The following UGT1A7 variants were observed in gnomAD, a reference collection of about 807,000 sequenced individuals.
UGT1A7 encodes the protein UDP-glucuronosyltransferase 1A7.
Under a neutral mutation model 45.6 loss-of-function variants are expected in UGT1A7, and 33 were observed. The ratio of observed to expected loss-of-function variants is 0.72; its 90% CI spans 0.55 to 0.97. The LOEUF is 0.97. Ranked by LOEUF, UGT1A7 falls within the 50% of genes least tolerant of loss-of-function variation. The pLI is 0.00. For synonymous variants in UGT1A7, 274 were observed against 250.6 expected (o/e 1.09, Z -0.88); for missense variants, 684 against 666.2 (o/e 1.03, Z -0.29).
chr2:233,687,722 G>C (rs10203266), intron 1 of UGT1A7, among the ~76,000 whole-genome samples: 58,987 of 151,680 alleles, frequency 0.39, 11,651 homozygotes, highest in South Asian at 0.45. Flanking sequence ...GGACAACATA[G>C]GGAGACACTG....
chr2:233,751,877 G>T (rs567472475), intron 1 of UGT1A7, among the ~76,000 whole-genome samples: 1 of 152,132 alleles, frequency 6.6e-6, no homozygotes, highest in Admixed American at 6.5e-5. Flanking sequence ...ACCCCGTCTT[G>T]GGTATGTCTT....
Position 233,767,830 on chromosome 2 carries a change from C to A in UGT1A7, c.988-19C>A. 6.2e-7 allele frequency: 1 copy of A among 1,614,170 alleles called. No homozygotes were observed. The highest frequency in any genetic ancestry group is 8.5e-7 in the Non-Finnish European group (1 of 1,180,024). Reference sequence around the variant, plus strand: ...TATTATGTTCTTTCTTTACGTTCTGCTCTTTTTGCCCCTCCCAGGTCCTGT... The same window carrying A: ...TATTATGTTCTTTCTTTACGTTCTGATCTTTTTGCCCCTCCCAGGTCCTGT... On this transcript the variant is annotated intron_variant, in intron 2 of 4. Coordinates refer to ENST00000373426, the MANE Select transcript of UGT1A7 (RefSeq NM_019077.3).
intron 1 of UGT1A7, chr2:233,718,953 C>A (rs369434904): frequency 1.2e-6 from 2 of 1,614,166 alleles, no homozygotes; most frequent in East Asian, 4.5e-5. Flanking sequence ...GCTCAGCATG[C>A]GGGAGGCCTT....
rs1157843682 is a variant in UGT1A7, at chr2:233,682,124, A to G, written c.187A>G (p.Ser63Gly). Residue 63 changes from serine (S) to glycine (G), a missense_variant, in exon 1 of 5, where the codon AGT (serine) becomes GGT (glycine). Coordinates refer to ENST00000373426, the MANE Select transcript of UGT1A7 (RefSeq NM_019077.3). ...HEVVVVMPEV[S>G]WQLGRSLNCT... is the part of the protein sequence containing the mutation. The stretch of plus-strand genomic sequence containing the variant: ...GGTGGTCGTAGTCATGCCAGAGGTG[A>G]GTTGGCAACTGGGAAGATCACTGAA... The G allele has an allele frequency of 1.2e-6, 2 of 1,614,078 alleles. No individual in the cohort carries two copies. The highest frequency in any genetic ancestry group is 1.3e-5 in the African/African-American group (1 of 74,946).
chr2:233,728,607 C>T (rs868048236), intron 1 of UGT1A7, among the ~76,000 whole-genome samples: 2 of 152,210 alleles, frequency 1.3e-5, no homozygotes, highest in Admixed American at 6.5e-5. Flanking sequence ...CCAGCCTCCA[C>T]GCTGTTCAGA....
chr2:233,717,541 C>G (rs1044536522), intron 1 of UGT1A7, among the ~76,000 whole-genome samples: 14 of 152,370 alleles, frequency 9.2e-5, no homozygotes, highest in Non-Finnish European at 1.5e-4. Flanking sequence ...GAAGCCTCAG[C>G]CTCACCAGCA....
intron 1 of UGT1A7, chr2:233,761,159 T>C: frequency 6.2e-7 from 1 of 1,614,228 alleles, no homozygotes; most frequent in Non-Finnish European, 8.5e-7. Flanking sequence ...CAGGTGTGTA[T>C]TGGAGTGGGA....
chr2:233,751,060 C>T (rs1694630836), intron 1 of UGT1A7, among the ~76,000 whole-genome samples: 1 of 151,896 alleles, frequency 6.6e-6, no homozygotes, highest in South Asian at 2.1e-4. Flanking sequence ...GACACAGACA[C>T]TCAATGCCAG....
intron 1 of UGT1A7, among the ~76,000 whole-genome samples, chr2:233,720,042 G>A (rs1048137470): frequency 2.6e-5 from 4 of 152,186 alleles, no homozygotes; most frequent in Non-Finnish European, 5.9e-5. Flanking sequence ...CTGATTTTCA[G>A]CTGAACGGTG....
chr2:233,751,650 C>G (rs1180947781), intron 1 of UGT1A7, among the ~76,000 whole-genome samples: 1 of 152,190 alleles, frequency 6.6e-6, no homozygotes, highest in African/African-American at 2.4e-5. Context: ...TTGCTGTTCT[C>G]ATCCTACTGA....
In UGT1A7 at chr2:233,736,783, G is replaced by T. The variant is rs545223479; in HGVS notation, c.856-30251G>T. ...CTTCTAACAGTCAGATCCCTCAGCTGCAGGTCTGTTGGAGTTTGCTGGAGG... is the reference window on the plus strand; with the variant it reads ...CTTCTAACAGTCAGATCCCTCAGCTTCAGGTCTGTTGGAGTTTGCTGGAGG... On this transcript the variant is annotated intron_variant, in intron 1 of 4. Transcript: ENST00000373426. Among the ~76,000 whole-genome samples, 9 of 152,312 alleles carry T rather than the reference G, an allele frequency of 5.9e-5. No homozygotes were observed. The South Asian group carries it at 1.9e-3, about 32-fold the overall frequency.
At position 233,747,709 on chromosome 2, in the gene UGT1A7, C is replaced by G. The variant is rs1194057066; in HGVS notation, c.856-19325C>G. On this transcript the variant is annotated intron_variant, in intron 1 of 4. Transcript: ENST00000373426. ...GGGGCAGTGCTGGCTAAGTACCTAT[C>G]AATTCCTGCTGTGTTTTTTTTGAGG... 13 of 1,612,750 alleles carry G rather than the reference C, an allele frequency of 8.1e-6. No individual in the cohort carries two copies. The African/African-American group carries it at 1.5e-4, about 18-fold the overall frequency.
At chr2:233,691,294 G>A in intron 1 of UGT1A7, 1 of 985,516 alleles carries the variant, frequency 1.0e-6, no homozygotes. Flanking sequence ...ATTGTAAGCT[G>A]CCAATCCTCT....
intron 1 of UGT1A7, chr2:233,756,153 G>A (rs1213505703): frequency 6.6e-6 from 1 of 152,140 alleles, no homozygotes; most frequent in Non-Finnish European, 1.5e-5. Flanking sequence ...GGGATCCCTA[G>A]GATTTCCTGG....
intron 1 of UGT1A7, among the ~76,000 whole-genome samples, chr2:233,741,290 C>T (rs1691616711): frequency 6.6e-6 from 1 of 151,724 alleles, no homozygotes. Context: ...ATTTATGTAC[C>T]CAATTGTGTA....
chr2:233,695,461 T>C (rs558801774), intron 1 of UGT1A7, among the ~76,000 whole-genome samples: 16 of 152,020 alleles, frequency 1.1e-4, no homozygotes, highest in African/African-American at 3.4e-4. Flanking sequence ...ACGTGCTTTA[T>C]TGGCCCTTTA....
chr2:233,710,441 T>G (rs568926544), intron 1 of UGT1A7, among the ~76,000 whole-genome samples: 1 of 152,258 alleles, frequency 6.6e-6, no homozygotes, highest in Non-Finnish European at 1.5e-5. Context: ...TTTTAGTCTT[T>G]TACATTTTAG....
At position 233,755,143 on chromosome 2, in the gene UGT1A7, C is replaced by A. The variant is rs1695780518; in HGVS notation, c.856-11891C>A. On this transcript the variant is annotated intron_variant, in intron 1 of 4. Transcript: ENST00000373426. Reference sequence around the variant, plus strand: ...TCAGCCACCTGCTTGAATCTTCTCACCGCTTCCTCCCTGTCCTCGGGGTTT... The same window carrying A: ...TCAGCCACCTGCTTGAATCTTCTCAACGCTTCCTCCCTGTCCTCGGGGTTT... The A allele has an allele frequency of 1.1e-5, 14 of 1,305,072 alleles. No homozygotes were observed. The South Asian group carries it at 1.6e-4, about 15-fold the overall frequency. 80.8% of individuals were successfully genotyped at this position (1,305,072 alleles called of 1,614,324 possible). A position where few individuals can be genotyped will look rare whatever the true frequency, so the allele number is the denominator to read the frequency against.
chr2:233,730,043 T>A (rs766678673), intron 1 of UGT1A7: 9 of 1,612,624 alleles, frequency 5.6e-6, no homozygotes, highest in South Asian at 2.2e-5. Context: ...AAACACTTTT[T>A]AAAAAAATGT....
Sources: allele counts gnomAD v4.1 joint callset (sites outside exome capture counted in the v4.1 genomes callset), GRCh38; gene constraint gnomAD v4.1.1; transcripts MANE v1.5; gene names NCBI Gene and HGNC (gene_info 2026-07-23, HGNC 2026-07-21).